OPN5: variants seen among roughly 807,000 people sequenced by gnomAD.
OPN5 encodes opsin-5.
OPN5 carries 18 observed loss-of-function variants against 41.7 expected under a neutral mutation model. The ratio of observed to expected loss-of-function variants is 0.43; its 90% CI spans 0.30 to 0.64. The LOEUF is 0.64. Ranked by LOEUF, OPN5 falls within the 30% of genes least tolerant of loss-of-function variation. The pLI is 0.13. For missense variants in OPN5, 318 were observed against 434.5 expected (o/e 0.73, Z 2.38); for synonymous variants, 178 against 164.3 (o/e 1.08, Z -0.64).
intron 5 of OPN5, among the ~76,000 whole-genome samples, chr6:47,810,651 G>C (rs951110987): frequency 3.3e-5 from 5 of 152,278 alleles, no homozygotes; most frequent in Middle Eastern, 3.4e-3. Flanking sequence ...ATATGGGATT[G>C]TGGAAATAAA....
exon 5 of OPN5, chr6:47,808,349 A>G: frequency 6.2e-7 from 1 of 1,613,974 alleles, no homozygotes; most frequent in Middle Eastern, 1.6e-4. Context: ...CTGTTGCCAA[A>G]CTGGTGGTTT....
chr6:47,787,887 A>T (rs1028731961), intron 2 of OPN5, among the ~76,000 whole-genome samples: 5 of 152,128 alleles, frequency 3.3e-5, no homozygotes, highest in Admixed American at 6.5e-5. Flanking sequence ...AAAAAGTGAG[A>T]CCTTAATTAA....
At chr6:47,787,769 T>C (rs1470097678) in intron 2 of OPN5, among the ~76,000 whole-genome samples, 1 of 152,052 alleles carries the variant, frequency 6.6e-6, no homozygotes, top group Admixed American at 6.5e-5. Context: ...GTCTGGGTAT[T>C]GGGTAAAACT....
chr6:47,820,240 C>T (rs369701950), intron 6 of OPN5, among the ~76,000 whole-genome samples: 84 of 152,034 alleles, frequency 5.5e-4, no homozygotes, highest in African/African-American at 1.9e-3. Flanking sequence ...GTCTGCTCTA[C>T]TTTTTTACTT....
intron 1 of OPN5, among the ~76,000 whole-genome samples, chr6:47,785,729 A>G (rs937812532): frequency 1.3e-5 from 2 of 152,228 alleles, no homozygotes; most frequent in African/African-American, 4.8e-5. Context: ...ACTTTCGAAC[A>G]GTTTCATTGT....
chr6:47,795,854 G>T (rs529405879), intron 4 of OPN5, among the ~76,000 whole-genome samples: 19 of 151,578 alleles, frequency 1.3e-4, no homozygotes, highest in African/African-American at 4.4e-4. Flanking sequence ...TCAATTTGGG[G>T]CTTATCTGCT....
chr6:47,811,939 A>G (rs567157092), intron 6 of OPN5: 5 of 381,200 alleles, frequency 1.3e-5, no homozygotes, highest in Non-Finnish European at 2.4e-5. Context: ...GAATATTATC[A>G]GGATGAGCGT....
rs1038319562 is a variant in OPN5 at position 47,787,084 on chromosome 6, G to C, written c.250+450G>C. 9 of 984,824 alleles carry C rather than the reference G, an allele frequency of 9.1e-6. No homozygotes were observed. In the African/African-American group the frequency reaches 1.6e-4, roughly 17 times the overall value. The allele number at this position is 984,824 out of a possible 1,614,324, so 61.0% of individuals were successfully genotyped here. On this transcript the variant is annotated intron_variant, in intron 2 of 6. Transcript: ENST00000371211. ...GTTGAAGACAGTTGAAGGCAGTTGA[G>C]AGGTGAATGTAGGAAGAGGAAAGAG...
chr6:47,786,425 G>T (rs376409916), intron 1 of OPN5, 90 bp from the exon 2 acceptor site: 54 of 994,556 alleles, frequency 5.4e-5, no homozygotes, highest in East Asian at 4.1e-4. Context: ...TAAATCTATG[G>T]TGTCCATTTT....
At chr6:47,801,812 G>GT (rs5876035) in intron 4 of OPN5, among the ~76,000 whole-genome samples, 102,012 of 149,750 alleles carry the variant, frequency 0.68, 35,882 homozygotes, top group East Asian at 0.95. Flanking sequence ...TAACAACCAT[G>GT]TTTTTTTTTT....
At chr6:47,799,196 G>GTATATATA (rs377613785) in intron 4 of OPN5, among the ~76,000 whole-genome samples, 37 of 146,726 alleles carry the variant, frequency 2.5e-4, no homozygotes, top group Non-Finnish European at 3.3e-4. Flanking sequence ...GAGGTGTGAT[G>GTATATATA]TATATATATA....
intron 1 of OPN5, among the ~76,000 whole-genome samples, chr6:47,782,580 G>C (rs1452259697): frequency 6.6e-6 from 1 of 152,058 alleles, no homozygotes; most frequent in African/African-American, 2.4e-5. Context: ...TTGAGAATGG[G>C]CCTTAAAAAT....
intron 4 of OPN5, 51 bp from the exon 5 acceptor site, chr6:47,808,103 T>C (rs758396761): frequency 2.5e-6 from 4 of 1,602,440 alleles, no homozygotes; most frequent in Non-Finnish European, 8.5e-7. Flanking sequence ...TTCAGACTCA[T>C]GTCCTTTATC....
At chr6:47,824,209 G>A in exon 7 of OPN5, 1 of 575,154 alleles carries the variant, frequency 1.7e-6, no homozygotes, top group Non-Finnish European at 3.1e-6. Flanking sequence ...TAGTGGCAGA[G>A]TTATAACTAA....
Position 47,791,798 on chromosome 6 carries a change from C to G in OPN5, c.251-4C>G. Reference sequence around the variant, plus strand: ...GTCTGTTGACAAGTCACTTGGTGCTCTAGTTGTAGGCAAGCCGTTCACCAT... The same window carrying G: ...GTCTGTTGACAAGTCACTTGGTGCTGTAGTTGTAGGCAAGCCGTTCACCAT... On this transcript the variant is annotated splice_polypyrimidine_tract_variant and splice_region_variant and intron_variant, in intron 2 of 6. Transcript: ENST00000371211. The G allele has an allele frequency of 6.2e-7, 1 of 1,613,748 alleles. No individual in the cohort carries two copies. Among genetic ancestry groups the G allele is most frequent in the Non-Finnish European group, 8.5e-7 (1 of 1,179,774 alleles).
intron 4 of OPN5, among the ~76,000 whole-genome samples, chr6:47,798,586 T>C (rs962889637): frequency 6.6e-6 from 1 of 150,830 alleles, no homozygotes; most frequent in Non-Finnish European, 1.5e-5. Context: ...TAATATGTAA[T>C]ATTATATTAA....
chr6:47,789,756 A>G (rs1319704200), intron 2 of OPN5, among the ~76,000 whole-genome samples: 1 of 152,230 alleles, frequency 6.6e-6, no homozygotes, highest in Non-Finnish European at 1.5e-5. Flanking sequence ...TTTGTAAACC[A>G]TAGAGGAACA....
chr6:47,803,138 A>G (rs975386033), intron 4 of OPN5, among the ~76,000 whole-genome samples: 1 of 152,202 alleles, frequency 6.6e-6, no homozygotes, highest in African/African-American at 2.4e-5. Context: ...AAGAAATTCC[A>G]ACTAGACACA....
chr6:47,811,758 T>C (rs770480945), intron 6 of OPN5, 27 bp downstream of exon 6: 4 of 1,498,970 alleles, frequency 2.7e-6, no homozygotes, highest in African/African-American at 1.4e-5. Context: ...AGCATCACTA[T>C]GGACACTCGT....
Sources: gnomAD v4.1 joint callset for allele counts (sites outside exome capture counted in the v4.1 genomes callset) on GRCh38, gnomAD v4.1.1 for gene constraint, MANE v1.5 for transcripts, NCBI Gene and HGNC (gene_info 2026-07-23, HGNC 2026-07-21) for gene names.